The following TMEM272 variants were observed in gnomAD, a reference collection of about 807,000 sequenced individuals.
TMEM272 encodes the protein transmembrane protein 272.
In TMEM272, 8 loss-of-function variants were observed where a neutral mutation model predicts 3.7. The ratio of observed to expected loss-of-function variants is 2.17; its 90% CI spans 1.27 to 3.91. TMEM272 has a LOEUF of 3.91. Among genes scored for constraint, TMEM272 ranks in the 30% most tolerant of loss-of-function variants. The pLI, the probability that TMEM272 is intolerant of heterozygous loss-of-function variation, is 0.00. For synonymous variants in TMEM272, 63 were observed against 39.8 expected (o/e 1.58, Z -2.20); for missense variants, 166 against 91.5 (o/e 1.81, Z -3.32).
chr13:51,884,659 T>C, the TMEM272 span, among the ~76,000 whole-genome samples: 1 of 152,134 alleles, frequency 6.6e-6, no homozygotes. Context: ...GACATTGGAG[T>C]CAGACTTCCC....
the TMEM272 span, among the ~76,000 whole-genome samples, chr13:51,904,351 GGTGGCTAGCTTAT>G: frequency 6.6e-6 from 1 of 152,094 alleles, no homozygotes; most frequent in Non-Finnish European, 1.5e-5. Context: ...ATGACTGCTT[GGTGGCTAGCTTAT>G]ATGCAATTCT....
the TMEM272 span, among the ~76,000 whole-genome samples, chr13:51,894,674 G>A: frequency 5.3e-5 from 8 of 152,294 alleles, no homozygotes; most frequent in Admixed American, 2.0e-4. Flanking sequence ...GCCTGCAGTC[G>A]CTTAAAGCAG....
intron 2 of TMEM272, among the ~76,000 whole-genome samples, chr13:51,838,086 C>T (rs1023803139): frequency 1.3e-5 from 2 of 152,112 alleles, no homozygotes; most frequent in African/African-American, 4.8e-5. Context: ...GGGGAATATC[C>T]AATTTAGTAA....
the TMEM272 span, among the ~76,000 whole-genome samples, chr13:51,860,642 A>AG: frequency 1.4e-5 from 2 of 148,114 alleles, no homozygotes; most frequent in Non-Finnish European, 3.0e-5. Flanking sequence ...ATGTCTCAAA[A>AG]AAAAAAAAAA....
At chr13:51,867,125 TCACTGTCATTAA>T in the TMEM272 span, among the ~76,000 whole-genome samples, 2 of 152,290 alleles carry the variant, frequency 1.3e-5, no homozygotes, top group East Asian at 3.9e-4. Context: ...GGCCTGGCCT[TCACTGTCATTAA>T]CACATCAACT....
At chr13:51,891,381 T>C in the TMEM272 span, among the ~76,000 whole-genome samples, 1 of 152,240 alleles carries the variant, frequency 6.6e-6, no homozygotes, top group Non-Finnish European at 1.5e-5. Flanking sequence ...CAGATTCCTA[T>C]TAGCCAACAA....
the TMEM272 span, among the ~76,000 whole-genome samples, chr13:51,902,665 G>A: frequency 6.6e-6 from 1 of 152,214 alleles, no homozygotes; most frequent in Non-Finnish European, 1.5e-5. Flanking sequence ...CCTCAGTCAA[G>A]CCTGCAGGTC....
chr13:51,915,232 G>C, the TMEM272 span, among the ~76,000 whole-genome samples: 2 of 152,136 alleles, frequency 1.3e-5, no homozygotes, highest in Non-Finnish European at 2.9e-5. Flanking sequence ...CTTTTCCCTA[G>C]CAAGGTTGAT....
At chr13:51,928,945 T>C in the TMEM272 span, among the ~76,000 whole-genome samples, 1 of 152,224 alleles carries the variant, frequency 6.6e-6, no homozygotes, top group Non-Finnish European at 1.5e-5. Flanking sequence ...ACACCTGGAA[T>C]CCCAGCACTT....
At chr13:51,871,845 A>G in the TMEM272 span, among the ~76,000 whole-genome samples, 5 of 65,000 alleles carry the variant, frequency 7.7e-5, no homozygotes, top group South Asian at 5.1e-4. Flanking sequence ...CACACACACA[A>G]ACAGAGACGC....
chr13:51,879,898 TAGAGAATAAAAGG>T, the TMEM272 span, among the ~76,000 whole-genome samples: 4 of 152,220 alleles, frequency 2.6e-5, no homozygotes, highest in East Asian at 7.7e-4. Flanking sequence ...AAGGGCTTTC[TAGAGAATAAAAGG>T]AGAGAAGGAA....
chr13:51,835,504 G>A (rs1027141385), intron 2 of TMEM272, among the ~76,000 whole-genome samples: 3 of 152,176 alleles, frequency 2.0e-5, no homozygotes, highest in East Asian at 1.9e-4. Flanking sequence ...GATTACAGGC[G>A]TGAGCCACTG....
chr13:51,846,310 T>C (rs1251472463), upstream of TMEM272, among the ~76,000 whole-genome samples: 1 of 152,230 alleles, frequency 6.6e-6, no homozygotes, highest in East Asian at 1.9e-4. Flanking sequence ...TGGTGGTTCC[T>C]TAAGATTATA....
chr13:51,860,986 T>C, the TMEM272 span, among the ~76,000 whole-genome samples: 1 of 151,958 alleles, frequency 6.6e-6, no homozygotes, highest in Non-Finnish European at 1.5e-5. Flanking sequence ...GCAGCATGTA[T>C]ATAAAGTGGA....
the TMEM272 span, among the ~76,000 whole-genome samples, chr13:51,893,006 T>G: frequency 6.6e-6 from 1 of 152,190 alleles, no homozygotes. Context: ...CTTGGCTAAT[T>G]TGTTCAGCTC....
the TMEM272 span, among the ~76,000 whole-genome samples, chr13:51,893,173 A>T: frequency 6.5e-4 from 99 of 152,344 alleles, no homozygotes; most frequent in African/African-American, 2.3e-3. Flanking sequence ...ACAGGAACAG[A>T]AGTCAAACTA....
chr13:51,859,957 A>G, the TMEM272 span, among the ~76,000 whole-genome samples: 1 of 151,880 alleles, frequency 6.6e-6, no homozygotes, highest in Admixed American at 6.6e-5. Context: ...CAGTGGCACG[A>G]TCATAGCTCA....
At chr13:51,928,173 C>T in the TMEM272 span, among the ~76,000 whole-genome samples, 2 of 152,014 alleles carry the variant, frequency 1.3e-5, no homozygotes, top group Non-Finnish European at 2.9e-5. Flanking sequence ...GTCATCAGTC[C>T]ACTAAGTCCT....
At chr13:51,865,918 T>C in the TMEM272 span, 1 of 1,613,644 alleles carries the variant, frequency 6.2e-7, no homozygotes, top group Non-Finnish European at 8.5e-7. Context: ...TGTGGGAAGA[T>C]AAAACGTCCC....
Sources: gnomAD v4.1 joint callset for allele counts (sites outside exome capture counted in the v4.1 genomes callset) on GRCh38, gnomAD v4.1.1 for gene constraint, MANE v1.5 for transcripts, NCBI Gene and HGNC (gene_info 2026-07-23, HGNC 2026-07-21) for gene names.